Variants in LRRTM4 observed in about 807,000 individuals in gnomAD.
The protein encoded by LRRTM4 is leucine rich repeat transmembrane neuronal 4.
Under a neutral mutation model 47.6 loss-of-function variants are expected in LRRTM4, and 25 were observed. That is an observed-to-expected ratio of 0.53 (90% CI 0.38 to 0.73). The LOEUF is 0.73. Ranked by LOEUF, LRRTM4 falls within the 30% of genes least tolerant of loss-of-function variation. LRRTM4 has a pLI of 0.00. For missense variants in LRRTM4, 638 were observed against 713.4 expected, an observed-to-expected ratio of 0.89 and a Z score of 1.20; for synonymous variants, 311 against 269.5, an observed-to-expected ratio of 1.15 and a Z score of -1.51.
At chr2:77,081,833 G>A (rs1455852167) in intron 3 of LRRTM4, among the ~76,000 whole-genome samples, 2 of 152,084 alleles carry the variant, frequency 1.3e-5, no homozygotes, top group African/African-American at 4.8e-5. Context: ...AGACCAATCA[G>A]ATCATTCCTG....
At chr2:77,092,193 C>T (rs1670665860) in intron 3 of LRRTM4, among the ~76,000 whole-genome samples, 1 of 152,092 alleles carries the variant, frequency 6.6e-6, no homozygotes, top group African/African-American at 2.4e-5. Context: ...TTGTTAAGTC[C>T]CACAATTACT....
intron 3 of LRRTM4, among the ~76,000 whole-genome samples, chr2:77,251,098 T>A: frequency 6.7e-6 from 1 of 149,162 alleles, no homozygotes; most frequent in East Asian, 2.0e-4. Context: ...AGCAAAACTC[T>A]GTCTTCAAGA....
intron 3 of LRRTM4, among the ~76,000 whole-genome samples, chr2:77,401,706 T>C (rs1351575553): frequency 6.6e-6 from 1 of 151,954 alleles, no homozygotes; most frequent in Non-Finnish European, 1.5e-5. Flanking sequence ...TATTTTGCCA[T>C]AGGAGTAAAA....
chr2:77,056,864 T>C (rs190633032), intron 3 of LRRTM4, among the ~76,000 whole-genome samples: 36 of 152,320 alleles, frequency 2.4e-4, no homozygotes, highest in Middle Eastern at 6.8e-3. Context: ...GTAAAACTTC[T>C]GCAAAATTTT....
At chr2:77,035,300 T>G (rs1268518077) in intron 3 of LRRTM4, among the ~76,000 whole-genome samples, 1 of 146,732 alleles carries the variant, frequency 6.8e-6, no homozygotes, top group Admixed American at 6.9e-5. Flanking sequence ...ACCAGAAGAA[T>G]CCTGTATATA....
rs12614564 is a variant in LRRTM4 at position 76,914,178 on chromosome 2, A to G, written c.1552-165262T>C. ...TTTCCGGCTTTTTATTGTTCTTGGT[A>G]AATTTAATTGATATTCCCCTAAAGC... is the stretch of plus-strand genomic sequence containing the variant. On this transcript the variant is annotated intron_variant, in intron 3 of 3. Coordinates refer to ENST00000409884, the MANE Select transcript of LRRTM4 (RefSeq NM_001134745.3). 4.3e-4 allele frequency among the ~76,000 whole-genome samples: 65 copies of G among 152,062 alleles called. No individual in the cohort carries two copies. The East Asian group carries it at 0.012, about 28-fold the overall frequency.
In LRRTM4 at chr2:76,904,837, T is replaced by A. The variant is rs150648786; in HGVS notation, c.1552-155921A>T. Among the ~76,000 whole-genome samples the A allele has an allele frequency of 1.1e-3, 168 of 152,302 alleles. 1 individual carries two copies. Among genetic ancestry groups the A allele is most frequent in the Middle Eastern group, 0.01 (3 of 294 alleles). On this transcript the variant is annotated intron_variant, in intron 3 of 3. Coordinates refer to ENST00000409884, the MANE Select transcript of LRRTM4 (RefSeq NM_001134745.3). ...ACAAGGTGTTATGGTAAAAATAACATGAGCTATTCACTTGTCAAAAGTGTT... is the reference window on the plus strand; with the variant it reads ...ACAAGGTGTTATGGTAAAAATAACAAGAGCTATTCACTTGTCAAAAGTGTT...
At chr2:77,111,928 G>A (rs1671262399) in intron 3 of LRRTM4, among the ~76,000 whole-genome samples, 1 of 152,178 alleles carries the variant, frequency 6.6e-6, no homozygotes, top group African/African-American at 2.4e-5. Flanking sequence ...TGTGTGCATA[G>A]TATACATAGA....
intron 3 of LRRTM4, among the ~76,000 whole-genome samples, chr2:77,309,731 A>G (rs974319546): frequency 6.6e-6 from 1 of 151,604 alleles, no homozygotes; most frequent in Non-Finnish European, 1.5e-5. Flanking sequence ...AGATAGATAG[A>G]TATAACAAAA....
At chr2:77,414,205 C>G (rs1674551778) in intron 3 of LRRTM4, among the ~76,000 whole-genome samples, 1 of 151,114 alleles carries the variant, frequency 6.6e-6, no homozygotes, top group Admixed American at 6.6e-5. Context: ...TTTTTTTAAC[C>G]TTCCTTTCAT....
chr2:77,096,442 T>C (rs1424481171), intron 3 of LRRTM4, among the ~76,000 whole-genome samples: 1 of 151,352 alleles, frequency 6.6e-6, no homozygotes, highest in Non-Finnish European at 1.5e-5. Flanking sequence ...AAGTTTGATA[T>C]GTAAGAAAAG....
At chr2:76,968,383 T>TATATATACACAC (rs797010446) in intron 3 of LRRTM4, among the ~76,000 whole-genome samples, 16 of 111,408 alleles carry the variant, frequency 1.4e-4, no homozygotes, top group South Asian at 9.4e-4. Context: ...TATATATATA[T>TATATATACACAC]ACACATACAT....
At chr2:76,860,111 G>T (rs183929607) in intron 3 of LRRTM4, among the ~76,000 whole-genome samples, 1 of 152,098 alleles carries the variant, frequency 6.6e-6, no homozygotes, top group Non-Finnish European at 1.5e-5. Context: ...ATAGGAGTAC[G>T]TACAAGAGTT....
Position 76,972,041 on chromosome 2 carries a change from TTAAAA to T in LRRTM4, c.1552-223130_1552-223126del, listed in dbSNP as rs1676237206. On this transcript the variant is annotated intron_variant, in intron 3 of 3. Coordinates refer to ENST00000409884, the MANE Select transcript of LRRTM4 (RefSeq NM_001134745.3). ...ATCATTCTTCTTTTATGGCTTCCATTTAAAATATAGTACTAGAACCTGGTTGTTTC... is the reference window on the plus strand; with the variant it reads ...ATCATTCTTCTTTTATGGCTTCCATTTATAGTACTAGAACCTGGTTGTTTC... 2.6e-5 allele frequency among the ~76,000 whole-genome samples: 4 copies of T among 152,136 alleles called. No individual in the cohort carries two copies. The South Asian group carries it at 8.3e-4, about 32-fold the overall frequency.
At chr2:77,313,901 TAAAC>T (rs1168665173) in intron 3 of LRRTM4, among the ~76,000 whole-genome samples, 1 of 152,212 alleles carries the variant, frequency 6.6e-6, no homozygotes, top group African/African-American at 2.4e-5. Flanking sequence ...ACATTTTCCT[TAAAC>T]AAAAATCTGT....
At chr2:77,401,521 C>G (rs1481219933) in intron 3 of LRRTM4, among the ~76,000 whole-genome samples, 5 of 151,830 alleles carry the variant, frequency 3.3e-5, no homozygotes. Context: ...AAGCCATAGA[C>G]TTTATCTTGT....
intron 3 of LRRTM4, among the ~76,000 whole-genome samples, chr2:77,093,375 G>T (rs1040836864): frequency 1.5e-4 from 22 of 149,504 alleles, no homozygotes; most frequent in African/African-American, 5.0e-4. Context: ...TTCTCCTTCT[G>T]TTATTCTATT....
intron 3 of LRRTM4, among the ~76,000 whole-genome samples, chr2:77,230,925 C>T (rs1367020949): frequency 1.3e-5 from 2 of 151,968 alleles, no homozygotes; most frequent in African/African-American, 4.8e-5. Context: ...TGTCATTGTT[C>T]TTCAAAAGAT....
intron 3 of LRRTM4, among the ~76,000 whole-genome samples, chr2:76,752,453 C>T (rs1232083974): frequency 1.3e-5 from 2 of 152,094 alleles, no homozygotes; most frequent in Non-Finnish European, 2.9e-5. Context: ...TTTTTTACAG[C>T]ACTTAAAAGA....
Sources: gnomAD v4.1 joint callset for allele counts (sites outside exome capture counted in the v4.1 genomes callset) on GRCh38, gnomAD v4.1.1 for gene constraint, MANE v1.5 for transcripts, NCBI Gene and HGNC (gene_info 2026-07-23, HGNC 2026-07-21) for gene names.